The following ACVR2B variants were observed in gnomAD, a reference collection of about 807,000 sequenced individuals.
ACVR2B encodes activin A receptor type 2B, also known as activin receptor type-2B.
In ACVR2B, 18 loss-of-function variants were observed where a neutral mutation model predicts 65.1. That is an observed-to-expected ratio of 0.28 (90% CI 0.19 to 0.41). The LOEUF (loss-of-function observed/expected upper bound fraction) is 0.41, where lower values mean the gene tolerates loss of function less well. Among genes scored for constraint, ACVR2B ranks in the 10% least tolerant of loss-of-function variants. The pLI is 1.00. For missense variants in ACVR2B, 482 were observed against 682.7 expected, an observed-to-expected ratio of 0.71 and a Z score of 3.28; for synonymous variants, 298 against 277.7, an observed-to-expected ratio of 1.07 and a Z score of -0.73.
intron 1 of ACVR2B, among the ~76,000 whole-genome samples, chr3:38,469,608 C>CT (rs1197926627): frequency 6.6e-6 from 1 of 152,110 alleles, no homozygotes; most frequent in East Asian, 1.9e-4. Flanking sequence ...CTCTGGTAAA[C>CT]TAAGTTGAGA....
intron 1 of ACVR2B, among the ~76,000 whole-genome samples, chr3:38,468,229 A>G (rs2125716627): frequency 6.6e-6 from 1 of 152,306 alleles, no homozygotes; most frequent in East Asian, 1.9e-4. Context: ...AATACTTACT[A>G]AAAGCTCTGA....
chr3:38,455,263 C>G (rs1395404431), intron 1 of ACVR2B, among the ~76,000 whole-genome samples: 3 of 152,078 alleles, frequency 2.0e-5, no homozygotes, highest in Non-Finnish European at 4.4e-5. Flanking sequence ...GTGCGCCTAA[C>G]CCCGGCGGGC....
chr3:38,476,938 A>G, intron 1 of ACVR2B: 1 of 397,894 alleles, frequency 2.5e-6, no homozygotes, highest in Non-Finnish European at 4.7e-6. Flanking sequence ...CCCACGCAGG[A>G]GCCTCAGGTG....
chr3:38,466,179 G>T (rs1709723275), intron 1 of ACVR2B, among the ~76,000 whole-genome samples: 1 of 152,190 alleles, frequency 6.6e-6, no homozygotes, highest in Non-Finnish European at 1.5e-5. Flanking sequence ...CATAGAAATA[G>T]AGCGTAGAAT....
chr3:38,483,344 G>C lies in ACVR2B; in HGVS notation c.*12G>C. The C allele has an allele frequency of 6.2e-7, 1 of 1,613,986 alleles. No homozygotes were observed. Among genetic ancestry groups the C allele is most frequent in the South Asian group, 1.1e-5 (1 of 91,060 alleles). The stretch of plus-strand genomic sequence containing the variant: ...AGTCAAGCATCTAAGCCCAGGACAT[G>C]AGTGTCTGTCCAGACTCAGTGGATC... On this transcript the variant is annotated 3_prime_UTR_variant, in exon 11 of 11. Transcript: ENST00000352511. The surrounding 1 kb of genome is among the most constrained non-coding windows in gnomAD (Gnocchi z 4.8).
chr3:38,481,465 G>A lies in ACVR2B; in HGVS notation c.1074G>A (p.Gln358=). The change falls in exon 8 of 11, where the codon CAG becomes CAA. Residue 358 remains glutamine (Q), a splice_region_variant and synonymous_variant. Transcript: ENST00000352511. This position sits in a 1 kb window ranked among gnomAD's most constrained non-coding sequence, Gnocchi z 4.7. ...AACCTCCAGGGGACACCCACGGACA[G>A]GTAACAGGCCTCACAGGGCAGGAAG... ...PGKPPGDTHG[Q]VGTRRYMAPE... is the part of the protein sequence containing the mutation. 1 of 1,613,548 alleles carries A rather than the reference G, an allele frequency of 6.2e-7. No individual in the cohort carries two copies. The highest frequency in any genetic ancestry group is 8.5e-7 in the Non-Finnish European group (1 of 1,179,422).
intron 1 of ACVR2B, chr3:38,474,585 G>T (rs1228308110): frequency 2.0e-5 from 3 of 152,242 alleles, no homozygotes; most frequent in South Asian, 2.1e-4. Flanking sequence ...TGTGGGGAAA[G>T]CCTGACATTT....
intron 1 of ACVR2B, among the ~76,000 whole-genome samples, chr3:38,460,640 C>T (rs139090248): frequency 6.5e-4 from 99 of 152,302 alleles, no homozygotes; most frequent in African/African-American, 2.3e-3. Context: ...CATTCATGGA[C>T]GCATGACCTC....
intron 1 of ACVR2B, chr3:38,475,983 G>T (rs1709900114): frequency 1.3e-5 from 2 of 152,392 alleles, no homozygotes; most frequent in African/African-American, 4.8e-5. Flanking sequence ...ATGGCTGGAT[G>T]CTTGGTGCAA....
At chr3:38,478,791 G>A (rs1244812636) in intron 5 of ACVR2B, among the ~76,000 whole-genome samples, 1 of 152,062 alleles carries the variant, frequency 6.6e-6, no homozygotes, top group Non-Finnish European at 1.5e-5. Flanking sequence ...TCTTTCCAGC[G>A]GCCCTGGACA....
Position 38,483,101 on chromosome 3 carries a change from A to C in ACVR2B, c.1345-37A>C, listed in dbSNP as rs369793022. The C allele has an allele frequency of 6.0e-4, 966 of 1,612,920 alleles. 1 individual carries two copies. The highest frequency in any genetic ancestry group is 1.7e-3 in the Middle Eastern group (10 of 6,000). On this transcript the variant is annotated intron_variant, in intron 10 of 10. Transcript: ENST00000352511. The surrounding 1 kb of genome is among the most constrained non-coding windows in gnomAD (Gnocchi z 4.8). The stretch of plus-strand genomic sequence containing the variant: ...AGCTTTTCCTCACTGAAGGGTCCTA[A>C]CAAAGGTGTCTTTCCTGTCTGCCCT...
rs1710126296 is a variant in ACVR2B at position 38,486,630 on chromosome 3, T to A, written c.*3298T>A. 1 of 152,220 alleles carries A rather than the reference T, an allele frequency of 6.6e-6. No homozygotes were observed. The highest frequency in any genetic ancestry group is 2.4e-5 in the African/African-American group (1 of 41,452). The allele number at this position is 152,220 out of a possible 1,614,324, so 9.4% of individuals were successfully genotyped here. ...GGGGAAAATGGGGCCTGGCATCATT[T>A]TCCCTGTCAATGGGAGGGGCTGTTC... On this transcript the variant is annotated 3_prime_UTR_variant, in exon 11 of 11. Transcript: ENST00000352511.
At chr3:38,461,490 C>T (rs1458326986) in intron 1 of ACVR2B, among the ~76,000 whole-genome samples, 1 of 152,038 alleles carries the variant, frequency 6.6e-6, no homozygotes, top group African/African-American at 2.4e-5. Flanking sequence ...GGTTTCTTTT[C>T]CCACCTGGCT....
chr3:38,455,608 G>T (rs920724242), intron 1 of ACVR2B, among the ~76,000 whole-genome samples: 5 of 152,156 alleles, frequency 3.3e-5, no homozygotes, highest in African/African-American at 1.2e-4. Flanking sequence ...CCGAAAGCGA[G>T]TGAGTTCTGT....
intron 1 of ACVR2B, among the ~76,000 whole-genome samples, chr3:38,457,686 C>T (rs1041934086): frequency 1.3e-5 from 2 of 152,190 alleles, no homozygotes; most frequent in African/African-American, 4.8e-5. Context: ...AAACAGTATT[C>T]TAAGTGAAGT....
At chr3:38,479,029 G>A (rs55945487) in intron 5 of ACVR2B, 99 bp from the exon 6 acceptor site, 515 of 1,525,768 alleles carry the variant, frequency 3.4e-4, no homozygotes, top group Non-Finnish European at 4.4e-4. Flanking sequence ...GAGGCTTGAG[G>A]GTGGGGAATG....
rs570258411 is a variant in ACVR2B at position 38,492,095 on chromosome 3, C to T, written c.*8763C>T. 6.6e-5 allele frequency: 10 copies of T among 152,400 alleles called. No individual in the cohort carries two copies. The East Asian group carries it at 9.6e-4, about 15-fold the overall frequency. 9.4% of individuals were successfully genotyped at this position (152,400 alleles called of 1,614,324 possible). On this transcript the variant is annotated 3_prime_UTR_variant, in exon 11 of 11. Coordinates refer to ENST00000352511, the MANE Select transcript of ACVR2B (RefSeq NM_001106.4). The stretch of plus-strand genomic sequence containing the variant: ...AAGAGCTTTCTGCATGTAACACATA[C>T]GGTTAAAGAACACAGCAAAGGACAA...
chr3:38,460,485 A>G (rs150755502), intron 1 of ACVR2B, among the ~76,000 whole-genome samples: 1 of 152,316 alleles, frequency 6.6e-6, no homozygotes, highest in African/African-American at 2.4e-5. Context: ...AGGGTCAGCC[A>G]TGTCTCTTCC....
At chr3:38,471,074 T>G (rs1709810088) in intron 1 of ACVR2B, among the ~76,000 whole-genome samples, 1 of 152,220 alleles carries the variant, frequency 6.6e-6, no homozygotes, top group Non-Finnish European at 1.5e-5. Flanking sequence ...TTTTCTCTAA[T>G]ACTAACACAC....
Sources: allele counts gnomAD v4.1 joint callset (sites outside exome capture counted in the v4.1 genomes callset), GRCh38; gene constraint gnomAD v4.1.1; non-coding constraint Gnocchi (gnomAD v3.1); transcripts MANE v1.5; gene names NCBI Gene and HGNC (gene_info 2026-07-23, HGNC 2026-07-21).